TBC1D9: variants seen among roughly 807,000 people sequenced by gnomAD.
TBC1D9 encodes the protein TBC1 domain family member 9, also known as TBC1 domain family member 9A.
In TBC1D9, 63 loss-of-function variants were observed where a neutral mutation model predicts 132.0. The observed-to-expected ratio is 0.48, with a 90% CI of 0.39 to 0.59. TBC1D9 has a LOEUF of 0.59. Among genes scored for constraint, TBC1D9 ranks in the 20% least tolerant of loss-of-function variants. The pLI is 0.00. For synonymous variants in TBC1D9, 610 were observed against 609.9 expected, an observed-to-expected ratio of 1.00 and a Z score of 0.00; for missense variants, 1,261 against 1,592.7, an observed-to-expected ratio of 0.79 and a Z score of 3.54.
chr4:140,698,384 A>G (rs931861685), intron 2 of TBC1D9, among the ~76,000 whole-genome samples: 1 of 152,140 alleles, frequency 6.6e-6, no homozygotes, highest in African/African-American at 2.4e-5. Flanking sequence ...GCCTTCGTTC[A>G]TGGGCTGTGT....
At position 140,657,747 on chromosome 4, in the gene TBC1D9, A is replaced by G; in HGVS notation, c.1987T>C (p.Cys663Arg). The G allele has an allele frequency of 6.2e-7, 1 of 1,614,032 alleles. No individual in the cohort carries two copies. Among genetic ancestry groups the G allele is most frequent in the East Asian group, 2.2e-5 (1 of 44,886 alleles). Residue 663 changes from cysteine (C) to arginine (R), a missense_variant, in exon 12 of 21, where the codon TGC (cysteine) becomes CGC (arginine). This residue lies in a region of TBC1D9 where 93 missense variants were observed against 169.2 expected (regional missense o/e 0.55). Transcript: ENST00000442267. Reference sequence around the variant, plus strand: ...GAAATCACGCCCAGGTCTTGCATGCAGTCGTACAGCTGTGGGACGTAGTCT... The same window carrying G: ...GAAATCACGCCCAGGTCTTGCATGCGGTCGTACAGCTGTGGGACGTAGTCT... The part of the protein sequence containing the change: ...ARDYVPQLYD[C>R]MQDLGVISTI...
chr4:140,629,918 C>T (rs1736766221), intron 16 of TBC1D9, among the ~76,000 whole-genome samples: 1 of 152,174 alleles, frequency 6.6e-6, no homozygotes, highest in African/African-American at 2.4e-5. Context: ...TGTATAATCC[C>T]ACTTATATCT....
At chr4:140,643,015 C>T in intron 13 of TBC1D9, 3 of 840,864 alleles carry the variant, frequency 3.6e-6, no homozygotes, top group Non-Finnish European at 5.6e-6. Context: ...ACGTCCATGT[C>T]CTCCACGGAG....
At chr4:140,670,984 T>A in intron 6 of TBC1D9, 58 bp from the exon 7 acceptor site, 4 of 1,461,140 alleles carry the variant, frequency 2.7e-6, no homozygotes, top group Non-Finnish European at 3.8e-6. Context: ...AATAGCAGCC[T>A]ATATGCAGCA....
intron 13 of TBC1D9, chr4:140,643,821 G>A: frequency 2.7e-6 from 2 of 742,972 alleles, no homozygotes; most frequent in South Asian, 1.6e-5. Flanking sequence ...CAGCGCCTGG[G>A]CCTCCAACGG....
intron 20 of TBC1D9, among the ~76,000 whole-genome samples, chr4:140,623,361 C>T (rs771790991): frequency 2.6e-5 from 4 of 152,188 alleles, no homozygotes; most frequent in Non-Finnish European, 5.9e-5. Context: ...AGCCACCACA[C>T]CCAGCTTATT....
At chr4:140,687,938 A>G (rs1737813469) in intron 2 of TBC1D9, among the ~76,000 whole-genome samples, 1 of 152,000 alleles carries the variant, frequency 6.6e-6, no homozygotes, top group Non-Finnish European at 1.5e-5. Context: ...ATAATAAGAA[A>G]AATTAGTCAG....
intron 13 of TBC1D9, chr4:140,643,502 C>A: frequency 1.1e-6 from 1 of 884,088 alleles, no homozygotes; most frequent in Non-Finnish European, 1.8e-6. Flanking sequence ...CCTCCCGGGG[C>A]TCCAGTCTCG....
rs1553969677 is a variant in TBC1D9, at chr4:140,671,712, G to GTGTA, written c.1060-787_1060-786insTACA. 5.3e-3 allele frequency among the ~76,000 whole-genome samples: 780 copies of GTGTA among 147,780 alleles called. 10 individuals are homozygous for GTGTA. Among genetic ancestry groups the GTGTA allele is most frequent in the African/African-American group, 0.019 (745 of 40,106 alleles). ...TGTGTGTGTGTGTGTGTGTGTGTGTGTGTGCCGAAGCCTACCACATTGGGG... is the reference window on the plus strand; with the variant it reads ...TGTGTGTGTGTGTGTGTGTGTGTGTGTGTATGTGCCGAAGCCTACCACATTGGGG... On this transcript the variant is annotated intron_variant, in intron 6 of 20. Transcript: ENST00000442267.
intron 18 of TBC1D9, among the ~76,000 whole-genome samples, chr4:140,625,068 A>T (rs1380246490): frequency 6.6e-6 from 1 of 152,184 alleles, no homozygotes; most frequent in Non-Finnish European, 1.5e-5. Context: ...AAAAAAAATT[A>T]ATGGGATAAT....
At chr4:140,653,824 A>G (rs1737223451) in intron 13 of TBC1D9, among the ~76,000 whole-genome samples, 1 of 152,238 alleles carries the variant, frequency 6.6e-6, no homozygotes, top group Non-Finnish European at 1.5e-5. Context: ...CTTTCCAGGC[A>G]GAGGAAGGGA....
intron 2 of TBC1D9, among the ~76,000 whole-genome samples, chr4:140,689,129 T>G (rs1737833680): frequency 6.6e-6 from 1 of 152,164 alleles, no homozygotes; most frequent in Non-Finnish European, 1.5e-5. Context: ...AATTCATCTC[T>G]GTTTTGCCTC....
chr4:140,624,212 T>G lies in TBC1D9; in HGVS notation c.2982A>C (p.Arg994Ser). 1 of 1,611,732 alleles carries G rather than the reference T, an allele frequency of 6.2e-7. No individual in the cohort carries two copies. The highest frequency in any genetic ancestry group is 8.5e-7 in the Non-Finnish European group (1 of 1,178,712). ...TVSLKPDKGK[R>S]ANSQENRNYL... ...AATTACGATTTTCTTGGGAATTTGC[T>G]CTCTTCCCTACAACCCAAATGTCAA... Residue 994 changes from arginine (R) to serine (S), a missense_variant, in exon 20 of 21, where the codon AGA (arginine) becomes AGC (serine). Physicochemically the swap from Arg to Ser is moderately radical, Grantham distance 110 (BLOSUM62 -1). This residue lies in a region of TBC1D9 where 618 missense variants were observed against 724.4 expected (regional missense o/e 0.85). Coordinates refer to ENST00000442267, the MANE Select transcript of TBC1D9 (RefSeq NM_015130.3).
chr4:140,702,734 A>G (rs1207547815), intron 1 of TBC1D9, among the ~76,000 whole-genome samples: 11 of 152,192 alleles, frequency 7.2e-5, no homozygotes, highest in Admixed American at 7.2e-4. Context: ...AATAACACAG[A>G]TTACACACAT....
At chr4:140,673,144 T>C (rs1180681889) in intron 6 of TBC1D9, among the ~76,000 whole-genome samples, 2 of 150,088 alleles carry the variant, frequency 1.3e-5, no homozygotes, top group African/African-American at 4.9e-5. Context: ...CCAGCTTGGA[T>C]GACTGTGTGA....
At chr4:140,667,141 C>A (rs1026433626) in intron 9 of TBC1D9, among the ~76,000 whole-genome samples, 1 of 152,200 alleles carries the variant, frequency 6.6e-6, no homozygotes, top group Non-Finnish European at 1.5e-5. Context: ...TGGCCTGGAG[C>A]TGTGCTCTCT....
intron 13 of TBC1D9, among the ~76,000 whole-genome samples, chr4:140,651,275 C>T (rs1484213944): frequency 2.0e-5 from 3 of 152,156 alleles, no homozygotes; most frequent in Non-Finnish European, 1.5e-5. Flanking sequence ...TGAGCCTGGC[C>T]AACATGGTGA....
chr4:140,659,792 C>T, intron 10 of TBC1D9, 87 bp from the exon 11 acceptor site: 2 of 888,768 alleles, frequency 2.3e-6, no homozygotes, highest in Non-Finnish European at 3.4e-6. Flanking sequence ...GTTATTCTCA[C>T]AAGGGCTGGC....
chr4:140,652,919 C>G (rs575948587), intron 13 of TBC1D9, among the ~76,000 whole-genome samples: 2 of 152,230 alleles, frequency 1.3e-5, no homozygotes, highest in Non-Finnish European at 2.9e-5. Flanking sequence ...TGGGTCATCT[C>G]GAACATGAAG....
Sources: allele counts gnomAD v4.1 joint callset (sites outside exome capture counted in the v4.1 genomes callset), GRCh38; gene constraint gnomAD v4.1.1; regional missense constraint gnomAD v4.1.1; transcripts MANE v1.5; gene names NCBI Gene and HGNC (gene_info 2026-07-23, HGNC 2026-07-21).